The following NAT1 variants were observed in gnomAD, a reference collection of about 807,000 sequenced individuals.
NAT1 encodes the protein N-acetyltransferase 1.
For missense variants in NAT1, 400 were observed against 339.2 expected (o/e 1.18, Z -1.41); for synonymous variants, 144 against 122.6 (o/e 1.17, Z -1.16).
intron 2 of NAT1, among the ~76,000 whole-genome samples, chr8:18,183,173 CAA>C (rs1427926042): frequency 2.0e-5 from 3 of 152,198 alleles, no homozygotes; most frequent in South Asian, 4.2e-4. Context: ...TGAAAAGGAC[CAA>C]GAGAGAGCCC....
intron 2 of NAT1, among the ~76,000 whole-genome samples, chr8:18,197,556 T>C (rs1453173315): frequency 6.6e-6 from 1 of 152,178 alleles, no homozygotes. Context: ...CAAAGGCTCA[T>C]CCAGTCGGAG....
At position 18,190,423 on chromosome 8, in the gene NAT1, A is replaced by G. The variant is rs1802934393; in HGVS notation, n.93-19358A>G. Reference sequence around the variant, plus strand: ...AAATTGTGGCCACACACAGTGTGACATCACTCTAGTGATCATCTTTGAACT... The same window carrying G: ...AAATTGTGGCCACACACAGTGTGACGTCACTCTAGTGATCATCTTTGAACT... On this transcript the variant is annotated intron_variant and non_coding_transcript_variant, in intron 2 of 4. Transcript: ENST00000517441. Among the ~76,000 whole-genome samples, 4 of 152,260 alleles carry G rather than the reference A, an allele frequency of 2.6e-5. No homozygotes were observed. The South Asian group carries it at 8.3e-4, about 31-fold the overall frequency.
intron 2 of NAT1, among the ~76,000 whole-genome samples, chr8:18,200,440 A>G (rs1803413410): frequency 1.3e-5 from 2 of 152,230 alleles, no homozygotes; most frequent in African/African-American, 4.8e-5. Flanking sequence ...AGGAACAGAA[A>G]ACATAATACC....
chr8:18,181,284 C>A (rs1192835621), intron 2 of NAT1, among the ~76,000 whole-genome samples: 1 of 151,978 alleles, frequency 6.6e-6, no homozygotes, highest in Non-Finnish European at 1.5e-5. Context: ...GGATTGCTTT[C>A]TCAATTTCTA....
chr8:18,173,301 C>T (rs918735724), intron 2 of NAT1, among the ~76,000 whole-genome samples: 1 of 152,300 alleles, frequency 6.6e-6, no homozygotes, highest in African/African-American at 2.4e-5. Context: ...TCTCGTTCCT[C>T]GAATGAGTTC....
chr8:18,199,149 A>G lies in NAT1; in HGVS notation n.93-10632A>G, dbSNP rs532288829. Among the ~76,000 whole-genome samples, 12 of 151,920 alleles carry G rather than the reference A, an allele frequency of 7.9e-5. No homozygotes were observed. In the South Asian group the frequency reaches 2.3e-3, roughly 29 times the overall value. ...ACCAACATAGTAAAACCCTGTCTCT[A>G]CTAAAAATACAAACATTAGCCAGGT... On this transcript the variant is annotated intron_variant and non_coding_transcript_variant, in intron 2 of 4. Transcript: ENST00000517441.
chr8:18,221,458 A>T (rs1357363519), intron 2 of NAT1, among the ~76,000 whole-genome samples: 1 of 152,016 alleles, frequency 6.6e-6, no homozygotes, highest in Non-Finnish European at 1.5e-5. Context: ...TTTCCTATAT[A>T]TGTCACTCCA....
At chr8:18,213,191 C>A (rs1009586462) in intron 1 of NAT1, among the ~76,000 whole-genome samples, 1 of 151,872 alleles carries the variant, frequency 6.6e-6, no homozygotes, top group African/African-American at 2.4e-5. Context: ...GGATGACAGG[C>A]GTGAGCCATT....
intron 2 of NAT1, among the ~76,000 whole-genome samples, chr8:18,193,450 C>CT (rs1184724877): frequency 1.5e-5 from 2 of 132,162 alleles, no homozygotes; most frequent in African/African-American, 5.4e-5. Context: ...GAGTGAGACT[C>CT]TGTCTAAAAA....
chr8:18,173,177 C>A (rs1447867282), intron 2 of NAT1, among the ~76,000 whole-genome samples: 3 of 150,076 alleles, frequency 2.0e-5, no homozygotes, highest in Admixed American at 6.7e-5. Context: ...CACACACACA[C>A]AATGATCATG....
At position 18,220,334 on chromosome 8, in the gene NAT1, T is replaced by C. The variant is rs1805152625; in HGVS notation, c.-7+845T>C. 2.0e-5 allele frequency among the ~76,000 whole-genome samples: 3 copies of C among 151,830 alleles called. No individual in the cohort carries two copies. In the South Asian group the frequency reaches 6.3e-4, roughly 32 times the overall value. ...GTCAGAAAGGAAAAATAGGAGAATATAGAAGAAATGTTATGAGAAGGGAAA... is the reference window on the plus strand; with the variant it reads ...GTCAGAAAGGAAAAATAGGAGAATACAGAAGAAATGTTATGAGAAGGGAAA... On this transcript the variant is annotated intron_variant, in intron 2 of 2. Transcript: ENST00000307719.
In NAT1 at chr8:18,222,537, A is replaced by G; in HGVS notation, c.490A>G (p.Ile164Val). ...EENGFWYLDQ[I>V]RREQYIPNEE... is the part of the protein sequence containing the mutation. ...GAATGGATTCTGGTATCTAGACCAA[A>G]TCAGAAGGGAACAGTACATTCCAAA... The change falls in exon 3 of 3, where the codon ATC becomes GTC. Residue 164 changes from isoleucine (I) to valine (V), a missense_variant. Transcript: ENST00000307719. 2 of 1,614,150 alleles carry G rather than the reference A, an allele frequency of 1.2e-6. No individual in the cohort carries two copies. The highest frequency in any genetic ancestry group is 1.7e-6 in the Non-Finnish European group (2 of 1,180,012).
intron 1 of NAT1, among the ~76,000 whole-genome samples, chr8:18,214,637 T>G (rs1004958964): frequency 6.6e-6 from 1 of 152,214 alleles, no homozygotes; most frequent in African/African-American, 2.4e-5. Context: ...TTCTCTTTTG[T>G]TTTTTAGCTT....
intron 2 of NAT1, among the ~76,000 whole-genome samples, chr8:18,204,584 C>A (rs1373742049): frequency 1.3e-5 from 2 of 151,962 alleles, no homozygotes; most frequent in African/African-American, 4.8e-5. Context: ...ATATTTCAAT[C>A]TGTTAATATA....
At chr8:18,192,580 G>C (rs1803041547) in intron 2 of NAT1, among the ~76,000 whole-genome samples, 1 of 152,088 alleles carries the variant, frequency 6.6e-6, no homozygotes, top group South Asian at 2.1e-4. Context: ...GCAAAGACTT[G>C]GAACCAACCC....
intron 1 of NAT1, among the ~76,000 whole-genome samples, chr8:18,215,994 G>A (rs186648205): frequency 2.0e-5 from 3 of 152,280 alleles, no homozygotes; most frequent in Admixed American, 1.3e-4. Context: ...ATATCGAGAA[G>A]CACCGTTTTC....
intron 2 of NAT1, among the ~76,000 whole-genome samples, chr8:18,177,797 C>A (rs561693035): frequency 6.6e-6 from 1 of 152,076 alleles, no homozygotes; most frequent in Non-Finnish European, 1.5e-5. Flanking sequence ...ACATGTGTAT[C>A]GTTGTCCAGG....
At chr8:18,176,598 GT>G (rs1327943973) in intron 2 of NAT1, among the ~76,000 whole-genome samples, 2 of 83,974 alleles carry the variant, frequency 2.4e-5, no homozygotes, top group Non-Finnish European at 4.8e-5. Flanking sequence ...CTGTTTTTTT[GT>G]TTTGTTTTGT....
chr8:18,171,095 G>T (rs936075210), intron 2 of NAT1, among the ~76,000 whole-genome samples: 2 of 152,126 alleles, frequency 1.3e-5, no homozygotes, highest in African/African-American at 4.8e-5. Flanking sequence ...GTGCTTGAGA[G>T]AGCATTTGAG....
Sources: allele counts gnomAD v4.1 joint callset (sites outside exome capture counted in the v4.1 genomes callset), GRCh38; gene constraint gnomAD v4.1.1; transcripts MANE v1.5; gene names NCBI Gene and HGNC (gene_info 2026-07-23, HGNC 2026-07-21).